CCDC92B: variants seen among roughly 807,000 people sequenced by gnomAD.
The protein encoded by CCDC92B is coiled-coil domain-containing 92B.
CCDC92B carries 2 observed loss-of-function variants against 5.6 expected under a neutral mutation model. The ratio of observed to expected loss-of-function variants is 0.36; its 90% CI spans 0.15 to 1.12. CCDC92B has a LOEUF of 1.12. Ranked by LOEUF, CCDC92B falls within the 50% of genes most tolerant of loss-of-function variation. The pLI is 0.40. For synonymous variants in CCDC92B, 115 were observed against 122.3 expected (o/e 0.94, Z 0.39); for missense variants, 271 against 262.2 (o/e 1.03, Z -0.23).
rs1016629240 is a variant in CCDC92B at position 2,738,422 on chromosome 17, A to G, written c.-23-3254T>C. The stretch of plus-strand genomic sequence containing the variant: ...GAGCCATTTTCCTTCCCCCTGTAAG[A>G]TGGGGCTGCAAATCCTACCATCCTA... On this transcript the variant is annotated intron_variant, in intron 1 of 3. Coordinates refer to ENST00000614400, the MANE Select transcript of CCDC92B (RefSeq NM_001355573.2). 2.5e-4 allele frequency among the ~76,000 whole-genome samples: 38 copies of G among 152,060 alleles called. 3 individuals carry two copies. The highest frequency in any genetic ancestry group is 8.7e-4 in the African/African-American group (36 of 41,406).
chr17:2,726,688 A>C (rs2070735353), intron 3 of CCDC92B, among the ~76,000 whole-genome samples: 1 of 150,616 alleles, frequency 6.6e-6, no homozygotes, highest in African/African-American at 2.5e-5. Context: ...ATCTCGGTTC[A>C]CTGCACCCTC....
At chr17:2,748,432 CTG>C (rs142915709) in intron 1 of CCDC92B, 861 of 695,084 alleles carry the variant, frequency 1.2e-3, no homozygotes, top group Non-Finnish European at 1.4e-3. Context: ...ACTCTTTGTT[CTG>C]TGTGTGTGTG....
At chr17:2,729,575 C>T (rs2070772390) in intron 3 of CCDC92B, among the ~76,000 whole-genome samples, 1 of 151,744 alleles carries the variant, frequency 6.6e-6, no homozygotes, top group Non-Finnish European at 1.5e-5. Context: ...GGGTAACACT[C>T]AGTCCTAGTT....
chr17:2,724,504 G>A lies in CCDC92B; in HGVS notation c.675C>T (p.Arg225=). Residue 225 remains arginine (R), a synonymous_variant, in exon 4 of 4, where the codon CGC becomes CGT. Transcript: ENST00000614400. This position sits in a 1 kb window ranked among gnomAD's most constrained non-coding sequence, Gnocchi z 5.0. The part of the protein sequence containing the change: ...YARRPLRPSA[R]SPRQPPPQEP... ...CCTGGGGAGGCGGCTGGCGCGGGCTGCGGGCGCTGGGCCGCAGCGGCCTGC... is the reference window on the plus strand; with the variant it reads ...CCTGGGGAGGCGGCTGGCGCGGGCTACGGGCGCTGGGCCGCAGCGGCCTGC... 1 of 981,060 alleles carries A rather than the reference G, an allele frequency of 1.0e-6. No individual in the cohort carries two copies. The highest frequency in any genetic ancestry group is 4.7e-5 in the South Asian group (1 of 21,456). 60.8% of individuals were successfully genotyped at this position (981,060 alleles called of 1,614,324 possible).
intron 1 of CCDC92B, among the ~76,000 whole-genome samples, chr17:2,747,397 A>C (rs1224861281): frequency 6.6e-6 from 1 of 152,178 alleles, no homozygotes; most frequent in Non-Finnish European, 1.5e-5. Flanking sequence ...CAGCGCGGGT[A>C]TATTAGATAG....
chr17:2,724,802 AGCACGGTG>A lies in CCDC92B; in HGVS notation c.369_376del (p.Thr124GlyfsTer229), dbSNP rs1463073142. 1 of 984,438 alleles carries A rather than the reference AGCACGGTG, an allele frequency of 1.0e-6. No individual in the cohort carries two copies. Among genetic ancestry groups the A allele is most frequent in the Non-Finnish European group, 1.2e-6 (1 of 829,726 alleles). The allele number at this position is 984,438 out of a possible 1,614,324, so 61.0% of individuals were successfully genotyped here. The stretch of plus-strand genomic sequence containing the variant: ...GGTGTGCTTCTGCAGCTCGGTGCCC[AGCACGGTG>A]GCGCGGTGGCTGCGGCGGCGCAGCT... On this transcript the variant is annotated frameshift_variant, in exon 4 of 4. Transcript: ENST00000614400. LOFTEE classifies it low-confidence loss of function (END_TRUNC). This position sits in a 1 kb window ranked among gnomAD's most constrained non-coding sequence, Gnocchi z 5.0.
intron 1 of CCDC92B, among the ~76,000 whole-genome samples, chr17:2,737,373 C>G (rs1010803930): frequency 6.6e-6 from 1 of 151,842 alleles, no homozygotes; most frequent in African/African-American, 2.4e-5. Context: ...GAGCAGGTCC[C>G]CCTGAGAACT....
At chr17:2,746,863 G>A (rs2070993250) in intron 1 of CCDC92B, among the ~76,000 whole-genome samples, 1 of 151,976 alleles carries the variant, frequency 6.6e-6, no homozygotes, top group South Asian at 2.1e-4. Flanking sequence ...GTAGAGACGG[G>A]GTTTCACCAT....
chr17:2,730,521 T>TTTTGTGTGTGTGTGTGTGTGTGTG (rs1555535097), intron 2 of CCDC92B, 28 bp from the exon 3 acceptor site: 2 of 304,936 alleles, frequency 6.6e-6, no homozygotes, highest in African/African-American at 8.2e-5. Flanking sequence ...AAAAGGCAGT[T>TTTTGTGTGTGTGTGTGTGTGTGTG]TGTGTGTGTG....
At position 2,730,562 on chromosome 17, in the gene CCDC92B, TGAGAGA is replaced by T. The variant is rs35055583; in HGVS notation, c.131-75_131-70del. On this transcript the variant is annotated intron_variant, in intron 2 of 3. Transcript: ENST00000614400. ...GTGTGTGTGTGTGTGTGTGTGTGTG[TGAGAGA>T]GAGAGAGAGAGAGAGAGATCATGGA... 3.8e-3 allele frequency: 1,007 copies of T among 265,418 alleles called. 9 individuals carry two copies. Among genetic ancestry groups the T allele is most frequent in the East Asian group, 0.012 (59 of 4,904 alleles). 16.4% of individuals were successfully genotyped at this position (265,418 alleles called of 1,614,324 possible).
chr17:2,736,676 G>C (rs2070861192), intron 1 of CCDC92B, among the ~76,000 whole-genome samples: 1 of 151,496 alleles, frequency 6.6e-6, no homozygotes, highest in Non-Finnish European at 1.5e-5. Context: ...AGGTCAGTTC[G>C]AGACCAGCCT....
intron 2 of CCDC92B, among the ~76,000 whole-genome samples, chr17:2,733,582 G>C (rs1448405160): frequency 6.6e-6 from 1 of 151,158 alleles, no homozygotes; most frequent in Admixed American, 6.6e-5. Context: ...TTTTGTTATT[G>C]CAATGAAAAG....
intron 2 of CCDC92B, among the ~76,000 whole-genome samples, chr17:2,731,117 A>G (rs1317661917): frequency 6.6e-6 from 1 of 152,212 alleles, no homozygotes; most frequent in African/African-American, 2.4e-5. Context: ...GGCTTCGAGC[A>G]GGACGGTGCG....
At chr17:2,728,463 G>A (rs368889039) in intron 3 of CCDC92B, among the ~76,000 whole-genome samples, 79 of 152,118 alleles carry the variant, frequency 5.2e-4, no homozygotes, top group Admixed American at 1.8e-3. Context: ...AAAATGAGCC[G>A]GGCGTGGTGG....
At chr17:2,745,066 C>T (rs1291202395) in intron 1 of CCDC92B, among the ~76,000 whole-genome samples, 1 of 79,330 alleles carries the variant, frequency 1.3e-5, no homozygotes, top group African/African-American at 4.6e-5. Context: ...GACCCTGTCT[C>T]AAAAAAAAAA....
At chr17:2,743,610 G>C (rs2070949294) in intron 1 of CCDC92B, among the ~76,000 whole-genome samples, 1 of 152,044 alleles carries the variant, frequency 6.6e-6, no homozygotes, top group African/African-American at 2.4e-5. Flanking sequence ...CTCCGACCTT[G>C]CTTCTTCCTG....
chr17:2,730,322 G>T, intron 3 of CCDC92B, 124 bp downstream of exon 3: 1 of 403,712 alleles, frequency 2.5e-6, no homozygotes, highest in Non-Finnish European at 3.4e-6. Flanking sequence ...CTGCTCACCA[G>T]CCAAGGAGTG....
chr17:2,740,233 G>A (rs749093054), intron 1 of CCDC92B, among the ~76,000 whole-genome samples: 5 of 151,890 alleles, frequency 3.3e-5, no homozygotes, highest in Admixed American at 6.6e-5. Context: ...GGGCCTGCGC[G>A]TATGATGGAT....
rs2070703621 is a variant in CCDC92B, at chr17:2,724,722, C to CCTCATTT, written c.456_457insAAATGAG (p.Ala153LysfsTer2). 1.0e-6 allele frequency: 1 copy of CCTCATTT among 983,962 alleles called. No homozygotes were observed. The highest frequency in any genetic ancestry group is 1.8e-5 in the African/African-American group (1 of 57,072). 61.0% of individuals were successfully genotyped at this position (983,962 alleles called of 1,614,324 possible). ...GTGGCGCCGGGGCCCGGGCGCGGGG[C>CCTCATTT]CTGCAGTCTCTGGCGCGCCGCGTGC... On this transcript the variant is annotated stop_gained and frameshift_variant, in exon 4 of 4. Transcript: ENST00000614400. LOFTEE classifies it low-confidence loss of function (END_TRUNC). The surrounding 1 kb of genome is among the most constrained non-coding windows in gnomAD (Gnocchi z 5.0).
Sources: gnomAD v4.1 joint callset for allele counts (sites outside exome capture counted in the v4.1 genomes callset) on GRCh38, gnomAD v4.1.1 for gene constraint, Gnocchi (gnomAD v3.1) non-coding constraint, MANE v1.5 for transcripts, NCBI Gene and HGNC (gene_info 2026-07-23, HGNC 2026-07-21) for gene names.